XIST: variants seen among roughly 807,000 people sequenced by gnomAD.
XIST encodes X inactive specific transcript (non-protein coding).
chrX:73,843,295 G>A, exon 1 of XIST: 1 of 558,415 alleles, frequency 1.8e-6, no homozygotes, highest in Non-Finnish European at 3.2e-6. Flanking sequence ...GGCCTTAGTG[G>A]GTCAGTACCC....
exon 1 of XIST, chrX:73,850,286 G>C: frequency 1.8e-6 from 1 of 551,086 alleles, no homozygotes; most frequent in Non-Finnish European, 3.3e-6. Context: ...GCCAAAAAAA[G>C]GTTAAGGAAT....
chrX:73,825,570 G>T, exon 6 of XIST: 1 of 515,026 alleles, frequency 1.9e-6, no homozygotes. Flanking sequence ...ACATCAGGGG[G>T]TGGTAAGCTA....
exon 1 of XIST, chrX:73,848,867 T>C: frequency 3.6e-6 from 2 of 557,926 alleles, no homozygotes; most frequent in African/African-American, 2.2e-5. Context: ...TGCAAGGTGG[T>C]AGGTAGTTCA....
chrX:73,821,627 G>A (rs1350530462), exon 6 of XIST: 1 of 556,306 alleles, frequency 1.8e-6, no homozygotes, highest in Non-Finnish European at 3.2e-6. Flanking sequence ...GACCAATTCA[G>A]AACAAAGGCA....
At position 73,845,744 on chromosome X, in the gene XIST, A is replaced by G. The variant is rs773810914; in HGVS notation, n.6980T>C. On this transcript the variant is annotated non_coding_transcript_exon_variant, in exon 1 of 6. Transcript: ENST00000429829. ...TGGCTGTGGTCACTTATAATTGTGC[A>G]CCTTGATTGTCCAAATGTAATGATC... is the stretch of plus-strand genomic sequence containing the variant. 7.4e-6 allele frequency: 4 copies of G among 538,142 alleles called. No individual in the cohort carries two copies. In the African/African-American group the frequency reaches 1.1e-4, roughly 14 times the overall value. 44.3% of individuals were successfully genotyped at this position (538,142 alleles called of 1,213,427 possible).
At chrX:73,846,777 G>C in exon 1 of XIST, 1 of 559,140 alleles carries the variant, frequency 1.8e-6, no homozygotes, top group African/African-American at 2.2e-5. Context: ...CACCAACCAT[G>C]CTGTCCTTCA....
intron 1 of XIST, among the ~76,000 whole-genome samples, chrX:73,839,889 T>C: frequency 9.1e-6 from 1 of 110,247 alleles, no homozygotes; most frequent in South Asian, 3.9e-4. Flanking sequence ...AATTCATTCA[T>C]TTAAAACAAA....
chrX:73,832,475 T>C (rs1922407105), intron 3 of XIST, among the ~76,000 whole-genome samples: 1 of 111,920 alleles, frequency 8.9e-6, no homozygotes, highest in Non-Finnish European at 1.9e-5. Context: ...TTCAATTGTT[T>C]TTCAAGCTAA....
At chrX:73,845,828 C>T (rs774860836) in exon 1 of XIST, 42 of 125,505 alleles carry the variant, frequency 3.3e-4, no homozygotes, top group East Asian at 2.9e-3. Context: ...GGGGTGGGGG[C>T]GGGGGGAAGG....
rs766222095 is a variant in XIST, at chrX:73,822,002, AAG to A, written n.17897_17898del. ...TGCGTTATCTGAGGATTGTTTCTGA[AAG>A]AGATCTATTTAGGCAGTGTATGTAT... On this transcript the variant is annotated non_coding_transcript_exon_variant, in exon 6 of 6. Transcript: ENST00000429829. 1.8e-5 allele frequency: 10 copies of A among 557,136 alleles called. No homozygotes were observed. The Admixed American group carries it at 2.2e-4, about 12-fold the overall frequency. 45.9% of individuals were successfully genotyped at this position (557,136 alleles called of 1,213,427 possible).
chrX:73,847,007 G>C, exon 1 of XIST: 1 of 559,165 alleles, frequency 1.8e-6, no homozygotes. Flanking sequence ...AAGTACAGGA[G>C]TCCTGATAAA....
chrX:73,845,224 G>A (rs1197436437), exon 1 of XIST: 1 of 556,219 alleles, frequency 1.8e-6, no homozygotes, highest in African/African-American at 2.3e-5. Context: ...GAAGATTGGG[G>A]GTGGAGTGTG....
exon 1 of XIST, chrX:73,843,923 A>T (rs774262482): frequency 5.4e-6 from 3 of 556,275 alleles, no homozygotes; most frequent in East Asian, 3.3e-5. Flanking sequence ...AGACAAAAGA[A>T]AATTTCAATT....
exon 6 of XIST, chrX:73,824,071 T>A: frequency 1.8e-6 from 1 of 554,719 alleles, no homozygotes; most frequent in Non-Finnish European, 3.3e-6. Context: ...ATAAGAGTAA[T>A]CAATGATCAT....
chrX:73,847,794 T>A, exon 1 of XIST: 1 of 558,918 alleles, frequency 1.8e-6, no homozygotes, highest in Non-Finnish European at 3.2e-6. Flanking sequence ...CATCCCTTTC[T>A]ATAATGTAAA....
At chrX:73,825,679 G>A in exon 6 of XIST, 1 of 514,088 alleles carries the variant, frequency 1.9e-6, no homozygotes, top group Non-Finnish European at 3.5e-6. Flanking sequence ...AAACCATATG[G>A]CCCACAGTCT....
In XIST at chrX:73,839,034, A is replaced by AT. The variant is rs1053749027; in HGVS notation, n.11343-1532dup. Among the ~76,000 whole-genome samples, 3 of 111,510 alleles carry AT rather than the reference A, an allele frequency of 2.7e-5. No homozygotes were observed. In the Admixed American group the frequency reaches 2.9e-4, roughly 11 times the overall value. On this transcript the variant is annotated intron_variant and non_coding_transcript_variant, in intron 1 of 5. Coordinates refer to ENST00000429829, the Ensembl canonical transcript of XIST. ...TTCTTTCTCTTTAAGCTGGTAACGT[A>AT]TTTTTCCAGGATGCTTTCACATATA... is the stretch of plus-strand genomic sequence containing the variant.
Position 73,828,932 on chromosome X carries a change from C to A in XIST, n.11916+136G>T, listed in dbSNP as rs1922322243. 3 of 421,444 alleles carry A rather than the reference C, an allele frequency of 7.1e-6. No individual in the cohort carries two copies. In the South Asian group the frequency reaches 1.3e-4, roughly 18 times the overall value. The allele number at this position is 421,444 out of a possible 1,213,427, so 34.7% of individuals were successfully genotyped here. A position where few individuals can be genotyped will look rare whatever the true frequency, so the allele number is the denominator to read the frequency against. On this transcript the variant is annotated intron_variant and non_coding_transcript_variant, in intron 5 of 5. Transcript: ENST00000429829. ...TGAACCCAGTCAGTAATATGGAAGA[C>A]TGGTCATCTTTCCATCTCACATTTA...
intron 1 of XIST, among the ~76,000 whole-genome samples, chrX:73,839,468 T>C (rs946687405): frequency 5.4e-5 from 6 of 111,474 alleles, no homozygotes; most frequent in African/African-American, 2.0e-4. Flanking sequence ...CCTATCTTAT[T>C]TCACTAGCAG....
Sources: gnomAD v4.1 joint callset for allele counts (sites outside exome capture counted in the v4.1 genomes callset) on GRCh38, gnomAD v4.1.1 for gene constraint, MANE v1.5 for transcripts, NCBI Gene and HGNC (gene_info 2026-07-23, HGNC 2026-07-21) for gene names.